NCAM2: variants seen among roughly 807,000 people sequenced by gnomAD.
The protein encoded by NCAM2 is neural cell adhesion molecule 2.
NCAM2 carries 30 observed loss-of-function variants against 98.1 expected under a neutral mutation model. The observed-to-expected ratio is 0.31, with a 90% CI of 0.23 to 0.41. The LOEUF (loss-of-function observed/expected upper bound fraction) is 0.41. Ranked by LOEUF, NCAM2 falls within the 10% of genes least tolerant of loss-of-function variation. The pLI, the probability that NCAM2 is intolerant of heterozygous loss-of-function variation, is 1.00. For missense variants in NCAM2, 867 were observed against 1,005.8 expected, an observed-to-expected ratio of 0.86 and a Z score of 1.87; for synonymous variants, 368 against 342.4, an observed-to-expected ratio of 1.07 and a Z score of -0.83.
chr21:21,093,699 G>A (rs554817679), intron 1 of NCAM2, among the ~76,000 whole-genome samples: 37 of 151,994 alleles, frequency 2.4e-4, no homozygotes, highest in Non-Finnish European at 4.4e-4. Flanking sequence ...GTCTTGGGGT[G>A]AAGTCATAAG....
At chr21:21,323,344 G>T (rs2074426457) in intron 5 of NCAM2, among the ~76,000 whole-genome samples, 1 of 152,020 alleles carries the variant, frequency 6.6e-6, no homozygotes, top group African/African-American at 2.4e-5. Flanking sequence ...TTGATTTATT[G>T]TGTTTAATTA....
intron 15 of NCAM2, among the ~76,000 whole-genome samples, chr21:21,490,221 TA>T (rs199715907): frequency 2.7e-5 from 4 of 149,810 alleles, no homozygotes; most frequent in African/African-American, 5.0e-5. Context: ...TCTGTAAAAC[TA>T]AAAAAAAACA....
At chr21:21,066,439 C>T (rs962968608) in intron 1 of NCAM2, among the ~76,000 whole-genome samples, 2 of 151,992 alleles carry the variant, frequency 1.3e-5, no homozygotes, top group Non-Finnish European at 2.9e-5. Flanking sequence ...CACAGATATA[C>T]ACCTTTAAGG....
intron 14 of NCAM2, among the ~76,000 whole-genome samples, chr21:21,471,236 A>G (rs1247581115): frequency 6.6e-6 from 1 of 152,010 alleles, no homozygotes; most frequent in Non-Finnish European, 1.5e-5. Context: ...TTCTAGTTTC[A>G]TCATTAAAAT....
At chr21:21,246,609 A>C (rs79062298) in intron 1 of NCAM2, among the ~76,000 whole-genome samples, 2 of 152,152 alleles carry the variant, frequency 1.3e-5, no homozygotes, top group East Asian at 3.9e-4. Flanking sequence ...AACAAATTGC[A>C]TATAAATCTG....
rs185141776 is a variant in NCAM2 at position 21,421,596 on chromosome 21, T to C, written c.1480+3027T>C. 3.7e-4 allele frequency among the ~76,000 whole-genome samples: 57 copies of C among 152,306 alleles called. 1 individual carries two copies. The highest frequency in any genetic ancestry group is 3.7e-3 in the Admixed American group (57 of 15,296). On this transcript the variant is annotated intron_variant, in intron 11 of 17. Transcript: ENST00000400546. ...TTATGGTACTCTTATTTAATACTAA[T>C]ATTTGGTAGAAAACAATCTGTCCTG...
chr21:21,119,180 C>G (rs958050140), intron 1 of NCAM2, among the ~76,000 whole-genome samples: 1 of 152,074 alleles, frequency 6.6e-6, no homozygotes, highest in Non-Finnish European at 1.5e-5. Context: ...AGTTCTAATT[C>G]TCTTTTACAT....
chr21:21,435,991 A>AC (rs1036204671), intron 12 of NCAM2, among the ~76,000 whole-genome samples: 23 of 152,254 alleles, frequency 1.5e-4, no homozygotes, highest in African/African-American at 5.3e-4. Context: ...TTCCATTGGG[A>AC]CCACCCCTAA....
Position 21,411,071 on chromosome 21 carries a change from CACACACAT to C in NCAM2, c.1383+612_1383+619del, listed in dbSNP as rs1223650726. ...ATGTGTGTGTATATATATATATATA[CACACACAT>C]ATATATATGTGTGTATATATATACA... is the stretch of plus-strand genomic sequence containing the variant. On this transcript the variant is annotated intron_variant, in intron 10 of 17. Transcript: ENST00000400546. 2.0e-3 allele frequency among the ~76,000 whole-genome samples: 17 copies of C among 8,310 alleles called. 1 individual carries two copies. Among genetic ancestry groups the C allele is most frequent in the African/African-American group, 8.6e-3 (16 of 1,856 alleles). The allele number at this position is 8,310 out of a possible 152,430, so 5.5% of individuals were successfully genotyped here.
chr21:21,228,713 A>T (rs920731863), intron 1 of NCAM2, among the ~76,000 whole-genome samples: 2 of 151,484 alleles, frequency 1.3e-5, no homozygotes, highest in African/African-American at 4.8e-5. Flanking sequence ...TCTTCATAGG[A>T]ACCATCAATA....
At chr21:21,532,168 A>G (rs9976993) in intron 16 of NCAM2, among the ~76,000 whole-genome samples, 70,992 of 151,758 alleles carry the variant, frequency 0.47, 17,015 homozygotes, top group African/African-American at 0.51. Context: ...GTCAGTTGGT[A>G]ACTGGTTAAA....
At chr21:21,170,744 T>C (rs949264798) in intron 1 of NCAM2, among the ~76,000 whole-genome samples, 5 of 152,186 alleles carry the variant, frequency 3.3e-5, no homozygotes, top group Admixed American at 3.3e-4. Context: ...TGAACCTTAA[T>C]GTAAGCCATA....
chr21:21,466,736 A>T lies in NCAM2; in HGVS notation c.1774+11A>T. On this transcript the variant is annotated intron_variant, in intron 13 of 17. Transcript: ENST00000400546. ...AAACATTACCAGTTCGTAAGTAATC[A>T]TCTCTATTTTTTATTCTCTTTTGTC... The T allele has an allele frequency of 6.3e-7, 1 of 1,591,588 alleles. No individual in the cohort carries two copies.
rs369443559 is a variant in NCAM2 at position 21,477,489 on chromosome 21, C to A, written c.2077+18C>A. On this transcript the variant is annotated intron_variant, in intron 15 of 17. Coordinates refer to ENST00000400546, the MANE Select transcript of NCAM2 (RefSeq NM_004540.5). The stretch of plus-strand genomic sequence containing the variant: ...TATTAAAGGTAAGCAAAACTATATT[C>A]TTTTTTAGACTGAACAATAAATATG... 4 of 1,538,580 alleles carry A rather than the reference C, an allele frequency of 2.6e-6. No individual in the cohort carries two copies. Among genetic ancestry groups the A allele is most frequent in the East Asian group, 2.3e-5 (1 of 43,338 alleles).
chr21:21,021,381 C>T (rs1240722734), intron 1 of NCAM2, among the ~76,000 whole-genome samples: 3 of 152,082 alleles, frequency 2.0e-5, no homozygotes, highest in Non-Finnish European at 2.9e-5. Flanking sequence ...TTTTGGTTCT[C>T]AGCTTTTGCA....
At chr21:21,023,114 C>G (rs1448394858) in intron 1 of NCAM2, among the ~76,000 whole-genome samples, 1 of 152,150 alleles carries the variant, frequency 6.6e-6, no homozygotes, top group Non-Finnish European at 1.5e-5. Flanking sequence ...AAAATCCAAA[C>G]TGGCTGTTTT....
intron 1 of NCAM2, among the ~76,000 whole-genome samples, chr21:21,131,675 G>A (rs988181394): frequency 3.9e-5 from 6 of 152,024 alleles, no homozygotes; most frequent in Admixed American, 1.3e-4. Flanking sequence ...TAAAATATAC[G>A]TCAATTACTA....
intron 11 of NCAM2, 74 bp from the exon 12 acceptor site, chr21:21,432,034 A>T: frequency 7.1e-7 from 1 of 1,403,030 alleles, no homozygotes; most frequent in Admixed American, 2.0e-5. Flanking sequence ...CCTAGTTCTC[A>T]TAACACCATA....
intron 1 of NCAM2, among the ~76,000 whole-genome samples, chr21:21,018,606 G>T (rs1361609054): frequency 6.6e-6 from 1 of 152,188 alleles, no homozygotes; most frequent in Non-Finnish European, 1.5e-5. Context: ...TGTCCCTTTT[G>T]AGAATTACTA....
Sources: gnomAD v4.1 joint callset for allele counts (sites outside exome capture counted in the v4.1 genomes callset) on GRCh38, gnomAD v4.1.1 for gene constraint, MANE v1.5 for transcripts, NCBI Gene and HGNC (gene_info 2026-07-23, HGNC 2026-07-21) for gene names.